TEX9: variants seen among roughly 807,000 people sequenced by gnomAD.
TEX9 encodes testis expressed 9, also known as testis-expressed protein 9.
A neutral mutation model predicts 59.6 loss-of-function variants in TEX9; 74 were observed. The observed-to-expected ratio is 1.24, with a 90% CI of 1.03 to 1.51. The LOEUF (loss-of-function observed/expected upper bound fraction) is 1.51. Ranked by LOEUF, TEX9 falls within the 40% of genes most tolerant of loss-of-function variation. The pLI is 0.00. For missense variants in TEX9, 522 were observed against 447.8 expected (o/e 1.17, Z -1.49); for synonymous variants, 186 against 152.2 (o/e 1.22, Z -1.64).
intron 1 of TEX9, among the ~76,000 whole-genome samples, chr15:56,251,999 T>C (rs1292807003): frequency 1.3e-5 from 2 of 152,138 alleles, no homozygotes; most frequent in African/African-American, 4.8e-5. Context: ...TTTAGTGTGA[T>C]TTTCTCCTCC....
At chr15:56,341,609 AAAAG>A (rs1432224108) in intron 1 of TEX9, among the ~76,000 whole-genome samples, 4 of 152,106 alleles carry the variant, frequency 2.6e-5, no homozygotes, top group Non-Finnish European at 4.4e-5. Context: ...GGAAACCCTA[AAAAG>A]AAAGAAAGGG....
At chr15:56,435,100 T>G (rs1371592819) in intron 12 of TEX9, among the ~76,000 whole-genome samples, 1 of 151,970 alleles carries the variant, frequency 6.6e-6, no homozygotes, top group Middle Eastern at 3.2e-3. Context: ...TACATTGTAG[T>G]TAATAAAAGT....
rs370436409 is a variant in TEX9 at position 56,284,447 on chromosome 15, C to T, written c.-107+40169C>T. Among the ~76,000 whole-genome samples, 10 of 152,004 alleles carry T rather than the reference C, an allele frequency of 6.6e-5. No individual in the cohort carries two copies. In the South Asian group the frequency reaches 1.0e-3, roughly 16 times the overall value. On this transcript the variant is annotated intron_variant, in intron 1 of 5. Transcript: ENST00000560827. ...ATTATCTGGAAAGAATATTATATTA[C>T]CATTTTATCAAGTGTATGTGATAGC...
intron 12 of TEX9, among the ~76,000 whole-genome samples, chr15:56,437,994 T>A (rs1340345955): frequency 1.3e-5 from 2 of 152,208 alleles, no homozygotes; most frequent in Admixed American, 6.5e-5. Context: ...GAACATTCCA[T>A]GCTCATGGAT....
chr15:56,261,167 A>T (rs866841982), intron 1 of TEX9, among the ~76,000 whole-genome samples: 11 of 151,966 alleles, frequency 7.2e-5, no homozygotes, highest in South Asian at 4.2e-4. Flanking sequence ...TTCTTTTTTT[A>T]AAAAAAGCTT....
At chr15:56,389,340 C>T (rs774077123) in exon 6 of TEX9, 3 of 1,610,924 alleles carry the variant, frequency 1.9e-6, no homozygotes, top group Non-Finnish European at 1.7e-6. Flanking sequence ...AACATTGATC[C>T]TGTAAACAAG....
At chr15:56,384,363 G>T (rs1288740965) in intron 4 of TEX9, among the ~76,000 whole-genome samples, 1 of 152,074 alleles carries the variant, frequency 6.6e-6, no homozygotes, top group Non-Finnish European at 1.5e-5. Flanking sequence ...GTTGTCATTG[G>T]GCTATGAACA....
intron 1 of TEX9, among the ~76,000 whole-genome samples, chr15:56,307,282 T>C (rs2045505849): frequency 6.6e-6 from 1 of 152,212 alleles, no homozygotes; most frequent in Non-Finnish European, 1.5e-5. Context: ...AAGCTTATTG[T>C]CTAAACAGCC....
At chr15:56,344,723 G>T (rs12439088) in intron 1 of TEX9, among the ~76,000 whole-genome samples, 6,684 of 151,708 alleles carry the variant, frequency 0.044, 223 homozygotes, top group Admixed American at 0.087. Context: ...TGTGAAATTA[G>T]AAAAAAAATC....
Position 56,444,767 on chromosome 15 carries a change from T to C in TEX9, c.*30-904T>C, listed in dbSNP as rs144803743. On this transcript the variant is annotated intron_variant, in intron 12 of 12. Coordinates refer to ENST00000352903, the Ensembl canonical transcript of TEX9. ...CAATGTTATTGAATATTATAAAGTC[T>C]TTTACATAAAATAAATTTTTTCATC... is the stretch of plus-strand genomic sequence containing the variant. 1.9e-3 allele frequency: 2,130 copies of C among 1,098,628 alleles called. 31 individuals are homozygous for C. In the African/African-American group the frequency reaches 0.028, roughly 15 times the overall value. The allele number at this position is 1,098,628 out of a possible 1,614,324, so 68.1% of individuals were successfully genotyped here. A position where few individuals can be genotyped will look rare whatever the true frequency, so the allele number is the denominator to read the frequency against.
At chr15:56,370,611 C>G (rs767016213) in intron 2 of TEX9, among the ~76,000 whole-genome samples, 1 of 152,114 alleles carries the variant, frequency 6.6e-6, no homozygotes, top group African/African-American at 2.4e-5. Flanking sequence ...GTTAGAATGT[C>G]AGAAATGTTA....
intron 9 of TEX9, chr15:56,395,524 A>T (rs537269278): frequency 6.6e-6 from 1 of 152,202 alleles, no homozygotes; most frequent in East Asian, 1.9e-4. Context: ...TGGAAATCCT[A>T]TGTTGACCTT....
At chr15:56,428,460 T>C (rs1490884662) in exon 12 of TEX9, 2 of 1,584,706 alleles carry the variant, frequency 1.3e-6, no homozygotes, top group Admixed American at 3.3e-5. Flanking sequence ...CTACTTCAGT[T>C]AGTCTCTATG....
upstream of TEX9, among the ~76,000 whole-genome samples, chr15:56,363,850 C>CTTT (rs202238176): frequency 1.4e-5 from 2 of 139,490 alleles, no homozygotes; most frequent in East Asian, 4.2e-4. Flanking sequence ...TATCTATTTC[C>CTTT]TTTTTTTTTT....
chr15:56,335,095 G>A lies in TEX9; in HGVS notation c.-106-38346G>A, dbSNP rs776508560. On this transcript the variant is annotated intron_variant, in intron 1 of 5. Coordinates refer to the TEX9 transcript ENST00000560827. ...AACCACTATGCAGAACAGTTTGGAG[G>A]TTCCTCAAAAATTGAAATAGAGACA... is the stretch of plus-strand genomic sequence containing the variant. 6.6e-5 allele frequency among the ~76,000 whole-genome samples: 10 copies of A among 152,174 alleles called. No individual in the cohort carries two copies. The East Asian group carries it at 1.4e-3, about 21-fold the overall frequency.
chr15:56,460,003 A>ATATATATATATATATATATATATATAT, the TEX9 span, among the ~76,000 whole-genome samples: 1 of 32,860 alleles, frequency 3.0e-5, no homozygotes, highest in African/African-American at 1.1e-4. Context: ...AAAAAAAAAA[A>ATATATATATATATATATATATATATAT]AAAAAAATAC....
intron 1 of TEX9, among the ~76,000 whole-genome samples, chr15:56,264,041 A>G (rs1214244536): frequency 1.3e-5 from 2 of 152,328 alleles, no homozygotes; most frequent in African/African-American, 2.4e-5. Flanking sequence ...AAAAGTTGCT[A>G]TAAACATTCC....
At chr15:56,363,648 T>A (rs558652981), upstream of TEX9, among the ~76,000 whole-genome samples, 13 of 151,952 alleles carry the variant, frequency 8.6e-5, no homozygotes, top group South Asian at 8.3e-4. Context: ...TTGTCTTTTT[T>A]AAAAATTTTT....
At chr15:56,312,386 A>G (rs2045643287) in intron 1 of TEX9, among the ~76,000 whole-genome samples, 1 of 144,422 alleles carries the variant, frequency 6.9e-6, no homozygotes, top group Non-Finnish European at 1.5e-5. Flanking sequence ...TCCCAGTACC[A>G]TTTATTAAAT....
Sources: gnomAD v4.1 joint callset for allele counts (sites outside exome capture counted in the v4.1 genomes callset) on GRCh38, gnomAD v4.1.1 for gene constraint, MANE v1.5 for transcripts, NCBI Gene and HGNC (gene_info 2026-07-23, HGNC 2026-07-21) for gene names.